PXDNL: variants seen among roughly 807,000 people sequenced by gnomAD.
PXDNL encodes peroxidasin like, also known as probable oxidoreductase PXDNL.
In PXDNL, 145 loss-of-function variants were observed where a neutral mutation model predicts 150.8. That is an observed-to-expected ratio of 0.96 (90% CI 0.84 to 1.10). The LOEUF (loss-of-function observed/expected upper bound fraction) is 1.10, where lower values mean the gene tolerates loss of function less well. Ranked by LOEUF, PXDNL falls within the 50% of genes least tolerant of loss-of-function variation. The pLI is 0.00. For missense variants in PXDNL, 2,087 were observed against 1,873.9 expected (o/e 1.11, Z -2.10); for synonymous variants, 757 against 725.7 (o/e 1.04, Z -0.69).
intron 12 of PXDNL, among the ~76,000 whole-genome samples, chr8:51,435,248 G>C (rs578145443): frequency 6.6e-6 from 1 of 152,180 alleles, no homozygotes; most frequent in South Asian, 2.1e-4. Flanking sequence ...TTGAACCCGG[G>C]AAGTGAAGGT....
At chr8:51,523,978 G>T (rs1811714099) in intron 4 of PXDNL, among the ~76,000 whole-genome samples, 1 of 152,190 alleles carries the variant, frequency 6.6e-6, no homozygotes. Flanking sequence ...TGTCTCAACT[G>T]TGTCAAGATC....
At chr8:51,770,377 AAT>A (rs2037279847) in intron 1 of PXDNL, among the ~76,000 whole-genome samples, 1 of 152,226 alleles carries the variant, frequency 6.6e-6, no homozygotes, top group African/African-American at 2.4e-5. Flanking sequence ...TCATGGAGCT[AAT>A]AGTAAAGCAA....
At chr8:51,586,204 G>T (rs2130640830) in intron 3 of PXDNL, among the ~76,000 whole-genome samples, 1 of 152,296 alleles carries the variant, frequency 6.6e-6, no homozygotes, top group East Asian at 1.9e-4. Context: ...ACTCATCCCT[G>T]ACTATGCTAG....
intron 17 of PXDNL, among the ~76,000 whole-genome samples, chr8:51,402,500 CAGAG>C (rs1808287057): frequency 6.6e-6 from 1 of 151,988 alleles, no homozygotes; most frequent in South Asian, 2.1e-4. Context: ...GCGTGGGTGA[CAGAG>C]AAAGACTCCG....
chr8:51,446,461 C>A (rs988537188), intron 12 of PXDNL, among the ~76,000 whole-genome samples: 2 of 152,142 alleles, frequency 1.3e-5, no homozygotes, highest in African/African-American at 4.8e-5. Context: ...TTGGAATTAT[C>A]TTTAAAAATT....
intron 21 of PXDNL, among the ~76,000 whole-genome samples, chr8:51,338,200 A>G (rs1042984179): frequency 1.3e-5 from 2 of 151,690 alleles, no homozygotes; most frequent in Non-Finnish European, 2.9e-5. Context: ...AAAAAAAAAA[A>G]AAGGGAAAAA....
At chr8:51,480,776 C>T (rs1028444802) in intron 6 of PXDNL, among the ~76,000 whole-genome samples, 1 of 152,186 alleles carries the variant, frequency 6.6e-6, no homozygotes, top group Non-Finnish European at 1.5e-5. Context: ...GGGAGTTCCC[C>T]TGCGCAGGCT....
At chr8:51,660,139 C>T (rs1256268421) in intron 1 of PXDNL, among the ~76,000 whole-genome samples, 1 of 152,100 alleles carries the variant, frequency 6.6e-6, no homozygotes, top group Non-Finnish European at 1.5e-5. Flanking sequence ...ATCCGCCCAC[C>T]TAGGCCTCCC....
chr8:51,420,999 C>T (rs1808936065), intron 14 of PXDNL, among the ~76,000 whole-genome samples: 1 of 152,062 alleles, frequency 6.6e-6, no homozygotes, highest in Non-Finnish European at 1.5e-5. Context: ...GAATGTTTTA[C>T]TTTTAATATG....
intron 2 of PXDNL, among the ~76,000 whole-genome samples, chr8:51,637,388 C>T (rs543990194): frequency 1.3e-4 from 20 of 151,942 alleles, no homozygotes; most frequent in East Asian, 3.9e-4. Flanking sequence ...AGGCTTCAGA[C>T]GATCAAACTT....
At chr8:51,499,118 C>T (rs1470565193) in intron 5 of PXDNL, among the ~76,000 whole-genome samples, 2 of 152,060 alleles carry the variant, frequency 1.3e-5, no homozygotes. Context: ...CTAGATTCTG[C>T]TGTAAGGTTA....
chr8:51,347,763 T>G (rs1806204854), intron 19 of PXDNL, among the ~76,000 whole-genome samples: 1 of 148,788 alleles, frequency 6.7e-6, no homozygotes, highest in East Asian at 1.9e-4. Flanking sequence ...TTTATAACGG[T>G]GAAGTCAAGA....
Position 51,367,799 on chromosome 8 carries a change from G to A in PXDNL, c.3901+4074C>T, listed in dbSNP as rs1806967135. Reference sequence around the variant, plus strand: ...AAAAACACCATGTTGTTTTAGAATAGTTTGAAGAGAAACTGAAATTCATGG... The same window carrying A: ...AAAAACACCATGTTGTTTTAGAATAATTTGAAGAGAAACTGAAATTCATGG... On this transcript the variant is annotated intron_variant, in intron 19 of 22. Transcript: ENST00000356297. 3.9e-5 allele frequency among the ~76,000 whole-genome samples: 6 copies of A among 152,332 alleles called. No individual in the cohort carries two copies. In the South Asian group the frequency reaches 1.2e-3, roughly 32 times the overall value.
chr8:51,376,265 G>A (rs1445413911), intron 17 of PXDNL, among the ~76,000 whole-genome samples: 1 of 152,168 alleles, frequency 6.6e-6, no homozygotes, highest in Admixed American at 6.5e-5. Context: ...GTACAGCCTG[G>A]AACAGACAGG....
rs749685119 is a variant in PXDNL at position 51,409,364 on chromosome 8, G to C, written c.2260C>G (p.Gln754Glu). Residue 754 changes from glutamine to glutamate, a missense_variant, in exon 17 of 23, where the codon CAG becomes GAG. By Grantham distance (29) the Gln-to-Glu change is conservative. Transcript: ENST00000356297. ...CGGATGCCGTCCCGGTAGGCTGGCT[G>C]CAGCAGGCGCGCGAAGGCGGTCAGC... ...AALTAFARLLQPAYRDGIRAP... is the reference protein window; with the variant it reads ...AALTAFARLLEPAYRDGIRAP... 11 of 1,560,552 alleles carry C rather than the reference G, an allele frequency of 7.0e-6. No individual in the cohort carries two copies. The African/African-American group carries it at 1.5e-4, about 22-fold the overall frequency.
intron 6 of PXDNL, among the ~76,000 whole-genome samples, chr8:51,480,604 A>G (rs867403074): frequency 6.6e-6 from 1 of 152,176 alleles, no homozygotes; most frequent in African/African-American, 2.4e-5. Flanking sequence ...AGCCTCTGAT[A>G]TGGTTTGGCT....
At chr8:51,635,214 G>A (rs954368613) in intron 2 of PXDNL, among the ~76,000 whole-genome samples, 32 of 152,014 alleles carry the variant, frequency 2.1e-4, no homozygotes, top group African/African-American at 7.7e-4. Flanking sequence ...AAAACTTACG[G>A]GATGCAGTGA....
chr8:51,691,518 C>G (rs1815997887), intron 1 of PXDNL, among the ~76,000 whole-genome samples: 1 of 150,998 alleles, frequency 6.6e-6, no homozygotes, highest in Admixed American at 6.6e-5. Context: ...AAAAACATGG[C>G]TATTAACTAG....
chr8:51,483,730 TA>T lies in PXDNL; in HGVS notation c.453-17del. 7.4e-7 allele frequency: 1 copy of T among 1,357,406 alleles called. No individual in the cohort carries two copies. The highest frequency in any genetic ancestry group is 1.0e-6 in the Non-Finnish European group (1 of 975,546). 84.1% of individuals were successfully genotyped at this position (1,357,406 alleles called of 1,614,324 possible). A position where few individuals can be genotyped will look rare whatever the true frequency, so the allele number is the denominator to read the frequency against. On this transcript the variant is annotated splice_polypyrimidine_tract_variant and intron_variant, in intron 5 of 22. Transcript: ENST00000356297. ...ATGCAAAAATCTGAAAAAGAAAAGA[TA>T]AACTTTAATCACCATACAATAATAA...
Sources: gnomAD v4.1 joint callset for allele counts (sites outside exome capture counted in the v4.1 genomes callset) on GRCh38, gnomAD v4.1.1 for gene constraint, MANE v1.5 for transcripts, NCBI Gene and HGNC (gene_info 2026-07-23, HGNC 2026-07-21) for gene names.